Variants in TM6SF1 observed in about 807,000 individuals in gnomAD.
The protein encoded by TM6SF1 is transmembrane 6 superfamily member 1.
A neutral mutation model predicts 47.1 loss-of-function variants in TM6SF1; 43 were observed. That is an observed-to-expected ratio of 0.91 (90% CI 0.72 to 1.18). The LOEUF is 1.18. Among genes scored for constraint, TM6SF1 ranks in the 50% most tolerant of loss-of-function variants. TM6SF1 has a pLI of 0.00. For missense variants in TM6SF1, 390 were observed against 449.0 expected, an observed-to-expected ratio of 0.87 and a Z score of 1.19; for synonymous variants, 177 against 166.3, an observed-to-expected ratio of 1.06 and a Z score of -0.49.
chr15:83,134,125 T>G (rs2036450413), intron 9 of TM6SF1: 1 of 152,228 alleles, frequency 6.6e-6, no homozygotes, highest in Non-Finnish European at 1.5e-5. Flanking sequence ...CCATTGTTGT[T>G]GAACGTTTAT....
Position 83,124,688 on chromosome 15 carries a change from A to G in TM6SF1, c.620A>G (p.Gln207Arg), listed in dbSNP as rs779200021. The change falls in exon 7 of 10, where the codon CAA (glutamine) becomes CGA (arginine). Residue 207 changes from glutamine (Q) to arginine (R), a missense_variant. Transcript: ENST00000322019. ...NYPSKVIQEA[Q>R]AKDLLRRPFD... is the part of the protein sequence containing the mutation. ...CTATTTTAGGTTATTCAAGAAGCCCAAGCGAAAGACCTGCTGAGAAGACCA... is the reference window on the plus strand; with the variant it reads ...CTATTTTAGGTTATTCAAGAAGCCCGAGCGAAAGACCTGCTGAGAAGACCA... The G allele has an allele frequency of 7.4e-6, 12 of 1,613,984 alleles. No homozygotes were observed. The Admixed American group carries it at 1.8e-4, about 25-fold the overall frequency.
At chr15:83,124,618 C>T (rs369579887) in intron 6 of TM6SF1, 54 bp from the exon 7 acceptor site, 2 of 1,367,156 alleles carry the variant, frequency 1.5e-6, no homozygotes, top group East Asian at 2.4e-5. Context: ...TTTCAGATTT[C>T]AGATTCTTCT....
At chr15:83,116,378 A>G (rs2034662759) in intron 3 of TM6SF1, among the ~76,000 whole-genome samples, 1 of 152,252 alleles carries the variant, frequency 6.6e-6, no homozygotes, top group African/African-American at 2.4e-5. Context: ...CATGCTGCCC[A>G]AATCATAGCT....
chr15:83,135,033 C>T (rs562455935), intron 9 of TM6SF1: 12 of 152,118 alleles, frequency 7.9e-5, no homozygotes, highest in Admixed American at 7.9e-4. Context: ...ATCTGAGGGC[C>T]GAGTCCTCTC....
intron 1 of TM6SF1, among the ~76,000 whole-genome samples, chr15:83,108,849 G>T (rs1311133630): frequency 1.3e-5 from 2 of 152,210 alleles, no homozygotes; most frequent in Non-Finnish European, 2.9e-5. Flanking sequence ...CACACTGAGT[G>T]CTCACCAGGC....
chr15:83,110,089 T>C (rs1236114564), intron 1 of TM6SF1, among the ~76,000 whole-genome samples: 1 of 152,198 alleles, frequency 6.6e-6, no homozygotes, highest in African/African-American at 2.4e-5. Flanking sequence ...TTGACTTTGT[T>C]GAATCGAGTT....
At chr15:83,129,555 A>G (rs1402274439) in intron 9 of TM6SF1, 1 of 152,204 alleles carries the variant, frequency 6.6e-6, no homozygotes, top group Non-Finnish European at 1.5e-5. Context: ...TTTGCCTAAG[A>G]TTACAGTTAT....
intron 2 of TM6SF1, 158 bp from the exon 3 acceptor site, chr15:83,115,687 G>A (rs905525519): frequency 1.4e-6 from 1 of 704,162 alleles, no homozygotes; most frequent in African/African-American, 1.7e-5. Context: ...GGTCCAGCTG[G>A]GTGTGTAGAA....
intron 5 of TM6SF1, among the ~76,000 whole-genome samples, 159 bp downstream of exon 5, chr15:83,122,162 T>A (rs1490815086): frequency 6.6e-6 from 1 of 152,210 alleles, no homozygotes; most frequent in African/African-American, 2.4e-5. Context: ...TTAAAAAAAG[T>A]ACTTTTTAAG....
intron 2 of TM6SF1, chr15:83,114,673 C>T (rs576667636): frequency 3.5e-4 from 54 of 152,580 alleles, no homozygotes; most frequent in African/African-American, 1.2e-3. Context: ...CCCCACACTC[C>T]TCTCCATTTC....
chr15:83,109,170 TG>T (rs1006862640), intron 1 of TM6SF1, among the ~76,000 whole-genome samples: 5 of 152,078 alleles, frequency 3.3e-5, no homozygotes, highest in African/African-American at 1.2e-4. Flanking sequence ...ATAGGGTGAC[TG>T]GGGAGGGGGC....
At chr15:83,129,925 T>C (rs1037933372) in intron 9 of TM6SF1, 1 of 152,346 alleles carries the variant, frequency 6.6e-6, no homozygotes, top group Admixed American at 6.5e-5. Flanking sequence ...GATGGCCGCA[T>C]ACCCACTTCA....
rs529815338 is a variant in TM6SF1, at chr15:83,107,674, G to A, written c.-7G>A. On this transcript the variant is annotated 5_prime_UTR_variant, in exon 1 of 10. Transcript: ENST00000322019. The surrounding 1 kb of genome is among the most constrained non-coding windows in gnomAD (Gnocchi z 5.6). Reference sequence around the variant, plus strand: ...TGCGGTGAAGGGCGAGCGGCGCGGCGGCTGCGATGAGTGCCTCTGCGGCCA... The same window carrying A: ...TGCGGTGAAGGGCGAGCGGCGCGGCAGCTGCGATGAGTGCCTCTGCGGCCA... The A allele has an allele frequency of 1.9e-6, 3 of 1,542,166 alleles. No homozygotes were observed. Among genetic ancestry groups the A allele is most frequent in the African/African-American group, 2.8e-5 (2 of 70,266 alleles).
chr15:83,109,511 C>G (rs994601237), intron 1 of TM6SF1, among the ~76,000 whole-genome samples: 1 of 152,188 alleles, frequency 6.6e-6, no homozygotes, highest in African/African-American at 2.4e-5. Flanking sequence ...GCCATTCTTC[C>G]TGTCCTCTTG....
Position 83,136,808 on chromosome 15 carries a change from G to A in TM6SF1, c.*136G>A, listed in dbSNP as rs979664850. 4.5e-6 allele frequency: 3 copies of A among 670,056 alleles called. No homozygotes were observed. The highest frequency in any genetic ancestry group is 7.1e-6 in the Non-Finnish European group (3 of 422,532). 41.5% of individuals were successfully genotyped at this position (670,056 alleles called of 1,614,324 possible). ...CATTCTTGCTCTGCACTGTATGTGT[G>A]AGCTATATGGTATTGTGTAAATTTT... is the stretch of plus-strand genomic sequence containing the variant. On this transcript the variant is annotated 3_prime_UTR_variant, in exon 10 of 10. Coordinates refer to ENST00000322019, the MANE Select transcript of TM6SF1 (RefSeq NM_023003.5).
chr15:83,127,743 A>G (rs1023721473), intron 9 of TM6SF1: 11 of 361,646 alleles, frequency 3.0e-5, no homozygotes, highest in Non-Finnish European at 4.6e-5. Context: ...CCAAGGTTAC[A>G]CACCCAGCAT....
chr15:83,112,992 C>CT (rs1227804646), intron 2 of TM6SF1, 92 bp downstream of exon 2: 3 of 1,104,530 alleles, frequency 2.7e-6, no homozygotes, highest in Non-Finnish European at 4.1e-6. Context: ...TGTGAATACT[C>CT]TGAGCCCTTT....
intron 1 of TM6SF1, among the ~76,000 whole-genome samples, chr15:83,109,604 G>C (rs1035594202): frequency 2.6e-5 from 4 of 152,116 alleles, no homozygotes; most frequent in Non-Finnish European, 5.9e-5. Flanking sequence ...CATAAGTCCT[G>C]GGGCTCTAGT....
chr15:83,136,730 A>G lies in TM6SF1; in HGVS notation c.*58A>G. ...ACTAACTTTTGTTATACTGGTACTGATATTTTGTCCCATTTCACTCTCTTC... is the reference window on the plus strand; with the variant it reads ...ACTAACTTTTGTTATACTGGTACTGGTATTTTGTCCCATTTCACTCTCTTC... On this transcript the variant is annotated 3_prime_UTR_variant, in exon 10 of 10. Coordinates refer to ENST00000322019, the MANE Select transcript of TM6SF1 (RefSeq NM_023003.5). The G allele has an allele frequency of 3.5e-6, 5 of 1,434,034 alleles. No individual in the cohort carries two copies. Among genetic ancestry groups the G allele is most frequent in the South Asian group, 2.7e-5 (2 of 74,604 alleles). 88.8% of individuals were successfully genotyped at this position (1,434,034 alleles called of 1,614,324 possible). A position where few individuals can be genotyped will look rare whatever the true frequency, so the allele number is the denominator to read the frequency against.
Sources: allele counts gnomAD v4.1 joint callset (sites outside exome capture counted in the v4.1 genomes callset), GRCh38; gene constraint gnomAD v4.1.1; non-coding constraint Gnocchi (gnomAD v3.1); transcripts MANE v1.5; gene names NCBI Gene and HGNC (gene_info 2026-07-23, HGNC 2026-07-21).